The following BAZ2B variants were observed in gnomAD, a reference collection of about 807,000 sequenced individuals.
BAZ2B encodes bromodomain adjacent to zinc finger domain protein 2B.
A neutral mutation model predicts 246.0 loss-of-function variants in BAZ2B; 91 were observed. The ratio of observed to expected loss-of-function variants is 0.37; its 90% CI spans 0.31 to 0.44. The LOEUF (loss-of-function observed/expected upper bound fraction) is 0.44, where lower values mean the gene tolerates loss of function less well. BAZ2B is among the 20% of genes least tolerant of loss of function. The pLI is 1.00. For synonymous variants in BAZ2B, 855 were observed against 860.0 expected, an observed-to-expected ratio of 0.99 and a Z score of 0.10; for missense variants, 2,332 against 2,533.7, an observed-to-expected ratio of 0.92 and a Z score of 1.71.
chr2:159,347,706 C>T (rs2068129804), intron 30 of BAZ2B, 60 bp from the exon 31 acceptor site: 2 of 1,385,234 alleles, frequency 1.4e-6, no homozygotes, highest in African/African-American at 1.5e-5. Flanking sequence ...CCACAGAGAC[C>T]TCTTCCAGAA....
intron 27 of BAZ2B, among the ~76,000 whole-genome samples, chr2:159,354,095 A>C (rs2058834801): frequency 6.6e-6 from 1 of 152,146 alleles, no homozygotes; most frequent in Admixed American, 6.6e-5. Context: ...GTGTGTTCCA[A>C]TCCTTTTAAC....
At chr2:159,585,888 T>C (rs991083286) in intron 1 of BAZ2B, among the ~76,000 whole-genome samples, 2 of 152,246 alleles carry the variant, frequency 1.3e-5, no homozygotes, top group Admixed American at 6.5e-5. Context: ...GCCTAAATGC[T>C]TACTTAAAGC....
At chr2:159,500,745 G>C (rs1255303595) in intron 2 of BAZ2B, among the ~76,000 whole-genome samples, 1 of 152,066 alleles carries the variant, frequency 6.6e-6, no homozygotes, top group Non-Finnish European at 1.5e-5. Flanking sequence ...CCTGAAGTCA[G>C]GAATTCGAGA....
chr2:159,419,903 A>T (rs1488402840), intron 13 of BAZ2B: 2 of 152,186 alleles, frequency 1.3e-5, no homozygotes, highest in Admixed American at 6.5e-5. Context: ...AGCAGAGCTG[A>T]ATTAGAACTC....
At position 159,405,133 on chromosome 2, in the gene BAZ2B, C is replaced by T. The variant is rs752518603; in HGVS notation, c.2678-19G>A. On this transcript the variant is annotated intron_variant, in intron 14 of 36. Coordinates refer to ENST00000392783, the MANE Select transcript of BAZ2B (RefSeq NM_013450.4). ...GCTATTTCTGAAAAACACAAAATTTCAAAGAATATTAACAACTTTGTGTAA... is the reference window on the plus strand; with the variant it reads ...GCTATTTCTGAAAAACACAAAATTTTAAAGAATATTAACAACTTTGTGTAA... The T allele has an allele frequency of 6.2e-7, 1 of 1,609,202 alleles. No homozygotes were observed. The highest frequency in any genetic ancestry group is 1.1e-5 in the South Asian group (1 of 90,830).
Position 159,349,131 on chromosome 2 carries a change from G to C in BAZ2B, c.5013C>G (p.Ser1671=), listed in dbSNP as rs771621893. Reference sequence around the variant, plus strand: ...ATTCACTTTTACTTGAAGCAACATTGGAAGTCAAGAATGAATTACCATTTC... The same window carrying C: ...ATTCACTTTTACTTGAAGCAACATTCGAAGTCAAGAATGAATTACCATTTC... ...SEGNGNSFLT[S]NVASSKSESP... The change falls in exon 29 of 37, where the codon TCC becomes TCG. Residue 1671 remains serine (S), a synonymous_variant. Coordinates refer to ENST00000392783, the MANE Select transcript of BAZ2B (RefSeq NM_013450.4). 3 of 1,614,014 alleles carry C rather than the reference G, an allele frequency of 1.9e-6. No homozygotes were observed. Among genetic ancestry groups the C allele is most frequent in the Non-Finnish European group, 2.5e-6 (3 of 1,179,976 alleles).
chr2:159,499,042 G>C (rs143826694), intron 2 of BAZ2B, among the ~76,000 whole-genome samples: 2 of 152,006 alleles, frequency 1.3e-5, no homozygotes, highest in African/African-American at 4.8e-5. Context: ...AAGTTCAGGG[G>C]TACAGGTACA....
chr2:159,642,797 T>C, the BAZ2B span, among the ~76,000 whole-genome samples: 1 of 152,216 alleles, frequency 6.6e-6, no homozygotes, highest in African/African-American at 2.4e-5. Context: ...ACGTAGGGAA[T>C]GTTCACCTTT....
chr2:159,363,721 G>C (rs1326295456), intron 27 of BAZ2B, among the ~76,000 whole-genome samples: 1 of 152,196 alleles, frequency 6.6e-6, no homozygotes, highest in East Asian at 1.9e-4. Flanking sequence ...CCTAATTCTT[G>C]AGTGTGGGAA....
chr2:159,667,793 A>G, the BAZ2B span, among the ~76,000 whole-genome samples: 1 of 152,068 alleles, frequency 6.6e-6, no homozygotes, highest in Non-Finnish European at 1.5e-5. Flanking sequence ...AGTTATGATT[A>G]TAACTTGAAG....
chr2:159,397,363 A>T lies in BAZ2B; in HGVS notation c.2991T>A (p.Ala997=), dbSNP rs746016797. The change falls in exon 19 of 37, where the codon GCT becomes GCA. Residue 997 remains alanine, a synonymous_variant. Transcript: ENST00000392783. ...IKEKEMRRQQ[A]VLLKHQERER... is the part of the protein sequence containing the mutation. ...TACAGACCTGATGTTTCAGAAGAAC[A>T]GCTTGTTGTCTTCTCATTTCTTTTT... 6.4e-6 allele frequency: 10 copies of T among 1,552,118 alleles called. No homozygotes were observed. The Admixed American group carries it at 1.6e-4, about 26-fold the overall frequency.
chr2:159,648,652 T>C, the BAZ2B span, among the ~76,000 whole-genome samples: 1 of 152,370 alleles, frequency 6.6e-6, no homozygotes, highest in Admixed American at 6.5e-5. Flanking sequence ...GTTTAAATTG[T>C]TCGTTCTCTT....
intron 31 of BAZ2B, among the ~76,000 whole-genome samples, chr2:159,342,201 G>C (rs375802565): frequency 6.2e-4 from 94 of 152,288 alleles, no homozygotes; most frequent in African/African-American, 1.8e-3. Flanking sequence ...AAATCCCATG[G>C]TCATAGATAG....
At chr2:159,624,566 C>T in the BAZ2B span, among the ~76,000 whole-genome samples, 2 of 152,118 alleles carry the variant, frequency 1.3e-5, no homozygotes, top group Admixed American at 1.3e-4. Flanking sequence ...CTGGAGTGGA[C>T]CTCCAGCAGA....
the BAZ2B span, among the ~76,000 whole-genome samples, chr2:159,691,200 G>C: frequency 1.3e-5 from 2 of 152,002 alleles, no homozygotes; most frequent in Non-Finnish European, 2.9e-5. Context: ...TATTAATATC[G>C]TATATTAATG....
chr2:159,619,890 TTCG>T (rs1696362376), upstream of BAZ2B, among the ~76,000 whole-genome samples: 1 of 152,158 alleles, frequency 6.6e-6, no homozygotes, highest in Non-Finnish European at 1.5e-5. Flanking sequence ...CCAACAGGAC[TTCG>T]TCTTCTACCC....
At chr2:159,641,377 G>A in the BAZ2B span, among the ~76,000 whole-genome samples, 1 of 152,124 alleles carries the variant, frequency 6.6e-6, no homozygotes, top group African/African-American at 2.4e-5. Context: ...TTTGAAAAGT[G>A]TTTGTTCATG....
chr2:159,452,460 C>T (rs907753013), intron 4 of BAZ2B, among the ~76,000 whole-genome samples: 2 of 152,124 alleles, frequency 1.3e-5, no homozygotes, highest in African/African-American at 4.8e-5. Flanking sequence ...AAAACTGAGG[C>T]TAAGAGGTCA....
intron 34 of BAZ2B, among the ~76,000 whole-genome samples, chr2:159,331,628 C>T (rs1406165768): frequency 3.9e-5 from 6 of 152,144 alleles, no homozygotes; most frequent in South Asian, 4.1e-4. Flanking sequence ...CTGCTCGCCT[C>T]GGCCTCCCAA....
Sources: allele counts gnomAD v4.1 joint callset (sites outside exome capture counted in the v4.1 genomes callset), GRCh38; gene constraint gnomAD v4.1.1; transcripts MANE v1.5; gene names NCBI Gene and HGNC (gene_info 2026-07-23, HGNC 2026-07-21).